Variants in ITM2B observed in about 807,000 individuals in gnomAD.
ITM2B encodes the protein ABri/ADan amyloid peptide.
Under a neutral mutation model 27.8 loss-of-function variants are expected in ITM2B, and 11 were observed. The observed-to-expected ratio is 0.40, with a 90% CI of 0.25 to 0.66. The LOEUF (loss-of-function observed/expected upper bound fraction) is 0.66. ITM2B is among the 30% of genes least tolerant of loss of function. The pLI is 0.43. For missense variants in ITM2B, 296 were observed against 328.9 expected (o/e 0.90, Z 0.77); for synonymous variants, 114 against 114.3 (o/e 1.00, Z 0.02).
At chr13:48,258,693 C>T in intron 4 of ITM2B, 104 bp from the exon 5 acceptor site, 1 of 1,055,774 alleles carries the variant, frequency 9.5e-7, no homozygotes, top group Non-Finnish European at 1.5e-6. Context: ...AGTAGTTTGG[C>T]AACCTGTTCC....
rs745951857 is a variant in ITM2B, at chr13:48,269,060, T to A, written c.*7836T>A. 7.9e-5 allele frequency: 12 copies of A among 152,190 alleles called. No homozygotes were observed. Among genetic ancestry groups the A allele is most frequent in the Non-Finnish European group, 1.8e-4 (12 of 68,020 alleles). The allele number at this position is 152,190 out of a possible 1,614,324, so 9.4% of individuals were successfully genotyped here. ...CCAAATTCCCATTTTGCTTGTCCAA[T>A]AGGCATTATCAGATACAACATGTTC... On this transcript the variant is annotated 3_prime_UTR_variant, in exon 6 of 6. Coordinates refer to ENST00000647800, the MANE Select transcript of ITM2B (RefSeq NM_021999.5).
intron 1 of ITM2B, among the ~76,000 whole-genome samples, chr13:48,241,743 T>A (rs1951701017): frequency 1.3e-5 from 2 of 152,246 alleles, no homozygotes; most frequent in African/African-American, 4.8e-5. Flanking sequence ...TAGCCGGATT[T>A]TCCTATCAAA....
chr13:48,251,178 C>G (rs1216346814), intron 1 of ITM2B, among the ~76,000 whole-genome samples: 1 of 152,338 alleles, frequency 6.6e-6, no homozygotes, highest in Non-Finnish European at 1.5e-5. Context: ...ATATTGGGCA[C>G]TCCAGCCAAA....
At chr13:48,245,544 G>GT (rs898691091) in intron 1 of ITM2B, among the ~76,000 whole-genome samples, 161 of 143,050 alleles carry the variant, frequency 1.1e-3, no homozygotes, top group Middle Eastern at 3.6e-3. Context: ...TCTGCCTGTT[G>GT]TTTTTTTTTT....
At chr13:48,244,116 G>T (rs1023434945) in intron 1 of ITM2B, among the ~76,000 whole-genome samples, 1 of 152,158 alleles carries the variant, frequency 6.6e-6, no homozygotes, top group Non-Finnish European at 1.5e-5. Context: ...TTCCATAGGG[G>T]ATCTATTCCT....
chr13:48,240,853 G>A (rs9526464), intron 1 of ITM2B, among the ~76,000 whole-genome samples: 15,836 of 152,108 alleles, frequency 0.1, 938 homozygotes, highest in Admixed American at 0.16. Context: ...GTATACCTGG[G>A]CTCTAACTCC....
In ITM2B at chr13:48,269,897, C is replaced by G. The variant is rs1951874560; in HGVS notation, c.*8673C>G. On this transcript the variant is annotated 3_prime_UTR_variant, in exon 6 of 6. Coordinates refer to ENST00000647800, the MANE Select transcript of ITM2B (RefSeq NM_021999.5). ...GGATGGGCAAAAATAATGACTAGGA[C>G]TTGGCTCAAGATTCCTCAAACAGCC... is the stretch of plus-strand genomic sequence containing the variant. 1 of 152,248 alleles carries G rather than the reference C, an allele frequency of 6.6e-6. No homozygotes were observed. The highest frequency in any genetic ancestry group is 2.1e-4 in the South Asian group (1 of 4,832). The allele number at this position is 152,248 out of a possible 1,614,324, so 9.4% of individuals were successfully genotyped here.
chr13:48,255,684 A>T (rs1951783084), intron 2 of ITM2B, among the ~76,000 whole-genome samples: 2 of 152,220 alleles, frequency 1.3e-5, no homozygotes, highest in Non-Finnish European at 2.9e-5. Context: ...CTGAATTGTG[A>T]TATAAAGGGA....
chr13:48,257,615 T>G (rs1951797301), intron 3 of ITM2B, among the ~76,000 whole-genome samples: 1 of 152,208 alleles, frequency 6.6e-6, no homozygotes, highest in South Asian at 2.1e-4. Flanking sequence ...GGAATCAAAA[T>G]GTTGACATTA....
chr13:48,240,395 C>T (rs1034311564), intron 1 of ITM2B, among the ~76,000 whole-genome samples: 1 of 152,032 alleles, frequency 6.6e-6, no homozygotes, highest in African/African-American at 2.4e-5. Context: ...TTAATAGAGA[C>T]GGGGTTTCAC....
At chr13:48,260,457 C>T (rs1339256227) in intron 5 of ITM2B, among the ~76,000 whole-genome samples, 15 of 152,094 alleles carry the variant, frequency 9.9e-5, no homozygotes, top group Admixed American at 9.8e-4. Context: ...ATTTACACTC[C>T]CACCAACAGT....
intron 1 of ITM2B, among the ~76,000 whole-genome samples, chr13:48,238,299 A>C (rs1262739913): frequency 6.6e-6 from 1 of 152,206 alleles, no homozygotes; most frequent in African/African-American, 2.4e-5. Flanking sequence ...AGTGTTATCA[A>C]CAATTGAATG....
At chr13:48,239,249 A>G (rs538107604) in intron 1 of ITM2B, among the ~76,000 whole-genome samples, 1 of 152,326 alleles carries the variant, frequency 6.6e-6, no homozygotes, top group South Asian at 2.1e-4. Flanking sequence ...CGTGCTAGGC[A>G]TCTTAAGCAG....
intron 1 of ITM2B, among the ~76,000 whole-genome samples, chr13:48,250,724 T>C (rs1951751174): frequency 6.6e-6 from 1 of 152,170 alleles, no homozygotes; most frequent in East Asian, 1.9e-4. Flanking sequence ...AAAATGAATA[T>C]GAATGGATAC....
chr13:48,238,365 A>AACTTTTTGCAGTATTTCTAT (rs1203243967), intron 1 of ITM2B, among the ~76,000 whole-genome samples: 34 of 152,266 alleles, frequency 2.2e-4, no homozygotes, highest in African/African-American at 8.2e-4. Context: ...TAGAGGAAAA[A>AACTTTTTGCAGTATTTCTAT]ACTTTTTGCA....
intron 1 of ITM2B, among the ~76,000 whole-genome samples, chr13:48,239,960 A>C (rs891925437): frequency 6.6e-6 from 1 of 152,084 alleles, no homozygotes; most frequent in African/African-American, 2.4e-5. Context: ...ACCCTCACTG[A>C]ATTGTTGGGG....
intron 1 of ITM2B, among the ~76,000 whole-genome samples, chr13:48,247,761 T>G (rs898753224): frequency 3.9e-5 from 6 of 152,178 alleles, no homozygotes; most frequent in Admixed American, 3.9e-4. Context: ...TGCTGAGATT[T>G]ATTTGAACTA....
intron 1 of ITM2B, among the ~76,000 whole-genome samples, chr13:48,240,026 C>T (rs1951690728): frequency 6.6e-6 from 1 of 152,148 alleles, no homozygotes. Flanking sequence ...GTTATACAGT[C>T]ATTCTTCAAA....
intron 1 of ITM2B, among the ~76,000 whole-genome samples, chr13:48,247,172 G>A (rs1951729121): frequency 6.6e-6 from 1 of 152,102 alleles, no homozygotes; most frequent in African/African-American, 2.4e-5. Flanking sequence ...TTTTTTTAAT[G>A]TCCCAGCTGT....
Sources: gnomAD v4.1 joint callset for allele counts (sites outside exome capture counted in the v4.1 genomes callset) on GRCh38, gnomAD v4.1.1 for gene constraint, MANE v1.5 for transcripts, NCBI Gene and HGNC (gene_info 2026-07-23, HGNC 2026-07-21) for gene names.